Variants in RNF213 observed in about 807,000 individuals in gnomAD.
The protein encoded by RNF213 is ring finger protein 213, also known as E3 ubiquitin-protein ligase RNF213.
Under a neutral mutation model 514.4 loss-of-function variants are expected in RNF213, and 341 were observed. The observed-to-expected ratio is 0.66, with a 90% CI of 0.61 to 0.73. The LOEUF (loss-of-function observed/expected upper bound fraction) is 0.73, where lower values mean the gene tolerates loss of function less well. Among genes scored for constraint, RNF213 ranks in the 30% least tolerant of loss-of-function variants. RNF213 has a pLI of 0.00. For synonymous variants in RNF213, 2,655 were observed against 2,658.2 expected, an observed-to-expected ratio of 1.00 and a Z score of 0.04; for missense variants, 5,767 against 6,615.6, an observed-to-expected ratio of 0.87 and a Z score of 4.45.
chr17:80,362,317 A>T (rs2079086296), intron 39 of RNF213, among the ~76,000 whole-genome samples: 1 of 152,258 alleles, frequency 6.6e-6, no homozygotes, highest in South Asian at 2.1e-4. Context: ...ATTTAAGAAC[A>T]TCCTTACAGC....
chr17:80,345,730 G>A lies in RNF213; in HGVS notation c.7395G>A (p.Arg2465=), dbSNP rs1398511794. The part of the protein sequence containing the change: ...TTADMIYSRV[R]EAENVAFANK... ...CAGACATGATCTACTCCAGAGTCAGGGAGGCTGAAAATGTGGCCTTCGCCA... is the reference window on the plus strand; with the variant it reads ...CAGACATGATCTACTCCAGAGTCAGAGAGGCTGAAAATGTGGCCTTCGCCA... Residue 2465 remains arginine, a synonymous_variant, in exon 29 of 68, where the codon AGG becomes AGA. Coordinates refer to ENST00000582970, the MANE Select transcript of RNF213 (RefSeq NM_001256071.3). The surrounding 1 kb of genome is among the most constrained non-coding windows in gnomAD (Gnocchi z 6.0). 6.2e-7 allele frequency: 1 copy of A among 1,614,216 alleles called. No individual in the cohort carries two copies. The highest frequency in any genetic ancestry group is 2.2e-5 in the East Asian group (1 of 44,880).
At position 80,363,270 on chromosome 17, in the gene RNF213, C is replaced by T. The variant is rs1384255569; in HGVS notation, c.11524C>T (p.Leu3842=). The T allele has an allele frequency of 1.2e-6, 2 of 1,614,092 alleles. No individual in the cohort carries two copies. Among genetic ancestry groups the T allele is most frequent in the South Asian group, 1.1e-5 (1 of 91,084 alleles). The change falls in exon 40 of 68, where the codon CTG becomes TTG. Residue 3842 remains leucine (L), a synonymous_variant. Transcript: ENST00000582970. ...LTIYPQVLHS[L]MEARWNHELA... ...CATCTACCCTCAGGTTCTCCACAGC[C>T]TGATGGAAGCCCGTTGGAACCATGA...
At chr17:80,334,447 G>T in intron 22 of RNF213, 177 bp downstream of exon 22, 1 of 609,260 alleles carries the variant, frequency 1.6e-6, no homozygotes, top group Non-Finnish European at 2.7e-6. Flanking sequence ...GTTCACACCG[G>T]TACAGTATTT....
rs977868490 is a variant in RNF213, at chr17:80,334,205, G to A, written c.4244G>A (p.Cys1415Tyr). The change falls in exon 22 of 68, where the codon TGC (cysteine) becomes TAC (tyrosine). Residue 1415 changes from cysteine (C) to tyrosine (Y), a missense_variant. This residue lies in a region of RNF213 where 516 missense variants were observed against 566.5 expected (regional missense o/e 0.91). Transcript: ENST00000582970. Reference protein sequence around the residue: ...KLLQDISEARCKGLQALSLRK... With the variant: ...KLLQDISEARYKGLQALSLRK... Reference sequence around the variant, plus strand: ...CTCCAGGACATCAGCGAGGCCCGGTGCAAGGGGCTGCAGGCTCTGTCCCTG... The same window carrying A: ...CTCCAGGACATCAGCGAGGCCCGGTACAAGGGGCTGCAGGCTCTGTCCCTG... The A allele has an allele frequency of 1.3e-6, 2 of 1,537,130 alleles. No homozygotes were observed. Among genetic ancestry groups the A allele is most frequent in the African/African-American group, 2.7e-5 (2 of 73,054 alleles).
intron 3 of RNF213, among the ~76,000 whole-genome samples, chr17:80,281,353 A>C (rs1407771362): frequency 4.3e-4 from 20 of 46,900 alleles, no homozygotes; most frequent in Admixed American, 1.2e-3. Flanking sequence ...CACACACCCC[A>C]CTCACACACA....
chr17:80,390,029 C>T lies in RNF213; in HGVS notation c.15303C>T (p.Ile5101=), dbSNP rs1264368267. 1 of 1,614,122 alleles carries T rather than the reference C, an allele frequency of 6.2e-7. No homozygotes were observed. The highest frequency in any genetic ancestry group is 1.3e-5 in the African/African-American group (1 of 74,932). ...CGTTTTAGGAGCCATTTGGGGAAAT[C>T]AGTTCAAGGTACAAAGCGGATCTGA... is the stretch of plus-strand genomic sequence containing the variant. ...LRLHKEPFGE[I]SSRYKADLSP... is the part of the protein sequence containing the mutation. Residue 5101 remains isoleucine, a synonymous_variant, in exon 67 of 68, where the codon ATC becomes ATT. Coordinates refer to ENST00000582970, the MANE Select transcript of RNF213 (RefSeq NM_001256071.3).
In RNF213 at chr17:80,376,962, C is replaced by G. The variant is rs147452490; in HGVS notation, c.13509C>G (p.Tyr4503Ter). ...AGGGTCTGGAGCGAGTCCACTGGTACAGTAAGTGTTGGGGTCTAGATGACC... is the reference window on the plus strand; with the variant it reads ...AGGGTCTGGAGCGAGTCCACTGGTAGAGTAAGTGTTGGGGTCTAGATGACC... ...RWKGLERVHWYTCPNGHPCSV... is the reference protein window; with the variant it reads ...RWKGLERVHW Residue 4503 changes from tyrosine (Y) to a stop codon, truncating the protein, a stop_gained and splice_region_variant, in exon 53 of 68, where the codon TAC (tyrosine) becomes TAG (stop). Transcript: ENST00000582970. LOFTEE classifies it high-confidence loss of function. The G allele has an allele frequency of 7.4e-5, 119 of 1,612,210 alleles. No individual in the cohort carries two copies. Among genetic ancestry groups the G allele is most frequent in the African/African-American group, 9.3e-5 (7 of 74,880 alleles).
intron 3 of RNF213, 136 bp from the exon 4 acceptor site, chr17:80,287,679 A>C: frequency 2.7e-6 from 2 of 748,010 alleles, no homozygotes; most frequent in Non-Finnish European, 2.3e-6. Flanking sequence ...AGGAAATTGC[A>C]GATTTAACAG....
At chr17:80,318,986 GAA>G (rs1400402271) in intron 16 of RNF213, among the ~76,000 whole-genome samples, 1 of 152,198 alleles carries the variant, frequency 6.6e-6, no homozygotes, top group African/African-American at 2.4e-5. Context: ...TGCAGAGTGG[GAA>G]AAGAGACTCT....
Position 80,353,420 on chromosome 17 carries a change from G to A in RNF213, c.10424-92G>A, listed in dbSNP as rs1405104366. 2 of 1,424,432 alleles carry A rather than the reference G, an allele frequency of 1.4e-6. No individual in the cohort carries two copies. Among genetic ancestry groups the A allele is most frequent in the East Asian group, 2.5e-5 (1 of 40,394 alleles). 88.2% of individuals were successfully genotyped at this position (1,424,432 alleles called of 1,614,324 possible). ...CAGGGGCCGGGGAAGCCTGCACTCG[G>A]AGGCTGAGCACACAGACTCCCAGAT... On this transcript the variant is annotated intron_variant, in intron 33 of 67. Coordinates refer to ENST00000582970, the MANE Select transcript of RNF213 (RefSeq NM_001256071.3). This position sits in a 1 kb window ranked among gnomAD's most constrained non-coding sequence, Gnocchi z 5.0.
intron 18 of RNF213, among the ~76,000 whole-genome samples, chr17:80,325,425 C>G (rs1396701988): frequency 6.6e-6 from 1 of 152,134 alleles, no homozygotes; most frequent in African/African-American, 2.4e-5. Context: ...TTGCTGTACC[C>G]TAGCGACTGT....
rs144721501 is a variant in RNF213, at chr17:80,373,097, G to A, written c.12874G>A (p.Val4292Met). The change falls in exon 49 of 68, where the codon GTG (valine) becomes ATG (methionine). Residue 4292 changes from valine to methionine, a missense_variant. By Grantham distance (21) the Val-to-Met change is conservative. This residue lies in a region of RNF213 where 1,245 missense variants were observed against 1,339.0 expected (regional missense o/e 0.93). Transcript: ENST00000582970. ...KLSSQRGMEF[V>M]QGLSKPGRPH... ...CAGCAGCCAGCGGGGGATGGAGTTC[G>A]TGCAGGGCCTCTCCAAGCCCGGCCG... The A allele has an allele frequency of 5.9e-5, 96 of 1,613,622 alleles. No homozygotes were observed. The highest frequency in any genetic ancestry group is 6.7e-5 in the African/African-American group (5 of 74,880).
At chr17:80,333,088 G>A (rs534354213) in intron 21 of RNF213, among the ~76,000 whole-genome samples, 55 of 150,794 alleles carry the variant, frequency 3.6e-4, no homozygotes, top group East Asian at 2.2e-3. Flanking sequence ...TCGCTCTGTC[G>A]TCCAGGCTGG....
intron 3 of RNF213, among the ~76,000 whole-genome samples, chr17:80,280,756 G>A (rs1199703500): frequency 5.3e-5 from 8 of 152,044 alleles, no homozygotes; most frequent in Non-Finnish European, 7.4e-5. Flanking sequence ...CCCTAGCCTC[G>A]TTTTGTATTT....
At position 80,372,750 on chromosome 17, in the gene RNF213, C is replaced by T; in HGVS notation, c.12751+16C>T. The T allele has an allele frequency of 6.2e-7, 1 of 1,611,072 alleles. No individual in the cohort carries two copies. Among genetic ancestry groups the T allele is most frequent in the Non-Finnish European group, 8.5e-7 (1 of 1,178,660 alleles). On this transcript the variant is annotated intron_variant, in intron 48 of 67. Transcript: ENST00000582970. Reference sequence around the variant, plus strand: ...GGAGGCCCAGGCAAGTCTTCTCTGCCTTGCTTTCCTTTGGGTTTAAAGACT... The same window carrying T: ...GGAGGCCCAGGCAAGTCTTCTCTGCTTTGCTTTCCTTTGGGTTTAAAGACT...
intron 11 of RNF213, among the ~76,000 whole-genome samples, chr17:80,303,650 G>A (rs1289716132): frequency 1.4e-5 from 2 of 147,316 alleles, no homozygotes; most frequent in African/African-American, 2.5e-5. Flanking sequence ...TGCAACCTTC[G>A]CCTCCCAGGT....
chr17:80,325,450 G>C (rs1006543962), intron 18 of RNF213, among the ~76,000 whole-genome samples: 1 of 152,126 alleles, frequency 6.6e-6, no homozygotes, highest in African/African-American at 2.4e-5. Context: ...GGTCGCAAGG[G>C]AAGTGCCCTT....
At chr17:80,304,538 GCTGAGGCAGGAGA>G (rs71163948) in intron 11 of RNF213, among the ~76,000 whole-genome samples, 20,164 of 151,976 alleles carry the variant, frequency 0.13, 1,624 homozygotes, top group Non-Finnish European at 0.19. Context: ...TACTGGGGAG[GCTGAGGCAGGAGA>G]ATGGCGTGAG....
intron 2 of RNF213, among the ~76,000 whole-genome samples, chr17:80,266,231 C>G: frequency 6.7e-6 from 1 of 149,602 alleles, no homozygotes; most frequent in Non-Finnish European, 1.5e-5. Flanking sequence ...CGCTTGAGCC[C>G]AGGAGTTCGA....
Sources: allele counts gnomAD v4.1 joint callset (sites outside exome capture counted in the v4.1 genomes callset), GRCh38; gene constraint gnomAD v4.1.1; regional missense constraint gnomAD v4.1.1; non-coding constraint Gnocchi (gnomAD v3.1); transcripts MANE v1.5; gene names NCBI Gene and HGNC (gene_info 2026-07-23, HGNC 2026-07-21).